RIT2: variants seen among roughly 807,000 people sequenced by gnomAD.
RIT2 encodes the protein Ras like without CAAX 2, also known as GTP-binding protein Rit2.
In RIT2, 24 loss-of-function variants were observed where a neutral mutation model predicts 23.7. The ratio of observed to expected loss-of-function variants is 1.01; its 90% CI spans 0.73 to 1.43. The LOEUF is 1.43. Ranked by LOEUF, RIT2 falls within the 40% of genes most tolerant of loss-of-function variation. RIT2 has a pLI of 0.00. For synonymous variants in RIT2, 107 were observed against 91.1 expected, an observed-to-expected ratio of 1.17 and a Z score of -0.99; for missense variants, 236 against 266.9, an observed-to-expected ratio of 0.88 and a Z score of 0.81.
chr18:42,840,061 A>G (rs1471341449), intron 4 of RIT2, among the ~76,000 whole-genome samples: 2 of 152,238 alleles, frequency 1.3e-5, no homozygotes, highest in Admixed American at 6.5e-5. Flanking sequence ...AATCTATCAC[A>G]TAGGATGTCC....
intron 2 of RIT2, among the ~76,000 whole-genome samples, chr18:42,993,884 G>T (rs1182772376): frequency 6.6e-6 from 1 of 152,032 alleles, no homozygotes; most frequent in Non-Finnish European, 1.5e-5. Context: ...CCCACAGCAT[G>T]CTTTAAAAGG....
intron 3 of RIT2, among the ~76,000 whole-genome samples, chr18:42,935,455 A>G (rs1285512268): frequency 6.6e-6 from 1 of 152,088 alleles, no homozygotes; most frequent in African/African-American, 2.4e-5. Flanking sequence ...AAACATGGAT[A>G]CCGCAGGGTT....
intron 1 of RIT2, among the ~76,000 whole-genome samples, chr18:43,097,420 T>A (rs1419340686): frequency 6.6e-6 from 1 of 151,882 alleles, no homozygotes; most frequent in East Asian, 1.9e-4. Context: ...CAGCGAAAAG[T>A]AGAAATACTG....
At chr18:43,064,614 C>T (rs1912727758) in intron 1 of RIT2, among the ~76,000 whole-genome samples, 1 of 152,098 alleles carries the variant, frequency 6.6e-6, no homozygotes, top group South Asian at 2.1e-4. Flanking sequence ...CTTCTGGCTT[C>T]ATGTGATGTG....
intron 4 of RIT2, among the ~76,000 whole-genome samples, chr18:42,783,183 A>G (rs896767714): frequency 3.9e-5 from 6 of 152,144 alleles, no homozygotes; most frequent in Non-Finnish European, 7.4e-5. Flanking sequence ...GTGTGTGTAT[A>G]TCACTCAAAA....
intron 1 of RIT2, among the ~76,000 whole-genome samples, chr18:43,083,334 T>C (rs563505909): frequency 6.6e-6 from 1 of 152,178 alleles, no homozygotes; most frequent in Admixed American, 6.6e-5. Context: ...AATGCTAGAC[T>C]TATCAAGCTA....
Position 43,056,818 on chromosome 18 carries a change from C to T in RIT2, c.104-22951G>A, listed in dbSNP as rs1050925854. On this transcript the variant is annotated intron_variant, in intron 1 of 4. Coordinates refer to ENST00000326695, the MANE Select transcript of RIT2 (RefSeq NM_002930.4). The stretch of plus-strand genomic sequence containing the variant: ...CTTCGCCAGGGAGGAATGAGCAGGA[C>T]GATAGCTTTTGACTTAACAGAACTG... Among the ~76,000 whole-genome samples, 38 of 152,138 alleles carry T rather than the reference C, an allele frequency of 2.5e-4. No homozygotes were observed. In the East Asian group the frequency reaches 4.1e-3, roughly 16 times the overall value.
At chr18:42,827,999 G>T (rs528380487) in intron 4 of RIT2, among the ~76,000 whole-genome samples, 1,179 of 91,790 alleles carry the variant, frequency 0.013, 24 homozygotes, top group African/African-American at 0.051. Flanking sequence ...GCAAGACTCC[G>T]TCTCAAAAAA....
At chr18:43,071,155 T>C (rs1912887911) in intron 1 of RIT2, among the ~76,000 whole-genome samples, 1 of 152,218 alleles carries the variant, frequency 6.6e-6, no homozygotes, top group African/African-American at 2.4e-5. Flanking sequence ...AATTTTTAAT[T>C]GCGAGGTTTG....
chr18:42,948,860 A>G (rs1909785864), intron 3 of RIT2: 1 of 392,180 alleles, frequency 2.5e-6, no homozygotes, highest in South Asian at 1.4e-4. Flanking sequence ...TTATACCTCA[A>G]GAAACAAGTT....
chr18:42,925,179 G>A (rs963217620), intron 3 of RIT2, among the ~76,000 whole-genome samples: 4 of 151,976 alleles, frequency 2.6e-5, no homozygotes, highest in Admixed American at 2.6e-4. Context: ...CACAATGTGA[G>A]TGAAATGTAC....
chr18:43,002,180 A>G (rs1043090534), intron 2 of RIT2, among the ~76,000 whole-genome samples: 1 of 151,980 alleles, frequency 6.6e-6, no homozygotes, highest in Non-Finnish European at 1.5e-5. Context: ...CAAGAGTTTA[A>G]AAGTTGAAGA....
intron 2 of RIT2, among the ~76,000 whole-genome samples, chr18:43,016,106 G>A (rs979137734): frequency 1.3e-5 from 2 of 151,848 alleles, no homozygotes; most frequent in African/African-American, 4.8e-5. Flanking sequence ...AATTAAAAAA[G>A]TGAGAATTTG....
At chr18:42,980,485 AG>A (rs1910574202) in intron 2 of RIT2, among the ~76,000 whole-genome samples, 1 of 151,952 alleles carries the variant, frequency 6.6e-6, no homozygotes, top group African/African-American at 2.4e-5. Context: ...CACTACCACT[AG>A]GTAGGTAATA....
intron 2 of RIT2, among the ~76,000 whole-genome samples, chr18:43,013,288 C>A (rs989020793): frequency 6.6e-6 from 1 of 151,648 alleles, no homozygotes; most frequent in Admixed American, 6.6e-5. Context: ...TTTTTTTAAA[C>A]AATGCAAACA....
At chr18:42,752,768 A>C (rs1226369465) in intron 4 of RIT2, among the ~76,000 whole-genome samples, 1 of 152,094 alleles carries the variant, frequency 6.6e-6, no homozygotes, top group African/African-American at 2.4e-5. Flanking sequence ...GGGGGTGGGG[A>C]AGAAATGTTG....
intron 4 of RIT2, among the ~76,000 whole-genome samples, chr18:42,808,853 G>A (rs1295491666): frequency 2.0e-5 from 3 of 152,052 alleles, no homozygotes. Context: ...TATTCAGACA[G>A]GCTCTTTACT....
At chr18:42,992,245 C>A (rs568837810) in intron 2 of RIT2, among the ~76,000 whole-genome samples, 1 of 152,282 alleles carries the variant, frequency 6.6e-6, no homozygotes, top group African/African-American at 2.4e-5. Flanking sequence ...TTTTCTTCTA[C>A]AATGTCACTT....
chr18:43,091,869 A>G (rs1457575951), intron 1 of RIT2, among the ~76,000 whole-genome samples: 3 of 152,034 alleles, frequency 2.0e-5, no homozygotes, highest in Non-Finnish European at 2.9e-5. Context: ...AAAACATCTG[A>G]TGTGTCCATT....
Sources: gnomAD v4.1 joint callset for allele counts (sites outside exome capture counted in the v4.1 genomes callset) on GRCh38, gnomAD v4.1.1 for gene constraint, MANE v1.5 for transcripts, NCBI Gene and HGNC (gene_info 2026-07-23, HGNC 2026-07-21) for gene names.